Variants in BICC1 observed in about 807,000 individuals in gnomAD.
The protein encoded by BICC1 is BicC family RNA binding protein 1.
In BICC1, 43 loss-of-function variants were observed where a neutral mutation model predicts 111.0. The ratio of observed to expected loss-of-function variants is 0.39; its 90% CI spans 0.30 to 0.50. The LOEUF is 0.50. Among genes scored for constraint, BICC1 ranks in the 20% least tolerant of loss-of-function variants. The pLI, the probability that BICC1 is intolerant of heterozygous loss-of-function variation, is 0.88. For missense variants in BICC1, 1,091 were observed against 1,203.2 expected (o/e 0.91, Z 1.38); for synonymous variants, 467 against 434.4 (o/e 1.07, Z -0.93).
At chr10:58,780,575 A>C (rs537249042) in intron 3 of BICC1, among the ~76,000 whole-genome samples, 11 of 152,170 alleles carry the variant, frequency 7.2e-5, no homozygotes, top group Admixed American at 2.0e-4. Flanking sequence ...AATGGCTGAC[A>C]TGAGTATTTT....
chr10:58,754,474 A>G (rs568341096), intron 3 of BICC1, among the ~76,000 whole-genome samples: 1 of 152,362 alleles, frequency 6.6e-6, no homozygotes, highest in African/African-American at 2.4e-5. Context: ...TTGGTAGCAC[A>G]TTATTAAGAA....
intron 9 of BICC1, among the ~76,000 whole-genome samples, chr10:58,795,554 A>G (rs1481139178): frequency 6.6e-6 from 1 of 152,148 alleles, no homozygotes; most frequent in African/African-American, 2.4e-5. Context: ...TAGATTGTAA[A>G]TGAGAACTCC....
chr10:58,670,507 A>G lies in BICC1; in HGVS notation c.238-31567A>G, dbSNP rs1040269238. Among the ~76,000 whole-genome samples, 4 of 152,146 alleles carry G rather than the reference A, an allele frequency of 2.6e-5. No homozygotes were observed. In the East Asian group the frequency reaches 7.7e-4, roughly 29 times the overall value. On this transcript the variant is annotated intron_variant, in intron 2 of 20. Coordinates refer to ENST00000373886, the MANE Select transcript of BICC1 (RefSeq NM_001080512.3). The stretch of plus-strand genomic sequence containing the variant: ...CCTATGGCACTAGGGCAAAGTGAGT[A>G]AATGTGAAGAAGAGAATACTGGCAG...
intron 3 of BICC1, among the ~76,000 whole-genome samples, chr10:58,747,617 A>G (rs2132630525): frequency 6.6e-6 from 1 of 152,280 alleles, no homozygotes; most frequent in South Asian, 2.1e-4. Context: ...ATGGTGAGAC[A>G]TTTGAAATTT....
intron 1 of BICC1, among the ~76,000 whole-genome samples, chr10:58,606,806 T>G (rs1845229968): frequency 1.3e-5 from 2 of 152,282 alleles, no homozygotes; most frequent in South Asian, 4.1e-4. Context: ...ACCTTATGTT[T>G]TTTGGTTCTG....
intron 19 of BICC1, 40 bp from the exon 20 acceptor site, chr10:58,820,328 TA>T: frequency 7.6e-7 from 1 of 1,322,266 alleles, no homozygotes; most frequent in Non-Finnish European, 1.1e-6. Flanking sequence ...AGAAAATAAG[TA>T]ATTAATACAT....
chr10:58,567,403 G>A (rs1036557066), intron 1 of BICC1, among the ~76,000 whole-genome samples: 2 of 151,856 alleles, frequency 1.3e-5, no homozygotes, highest in African/African-American at 4.8e-5. Context: ...TCTTTTAGGG[G>A]AGATATATAT....
At chr10:58,563,361 A>T (rs1280635597) in intron 1 of BICC1, among the ~76,000 whole-genome samples, 2 of 152,132 alleles carry the variant, frequency 1.3e-5, no homozygotes, top group Non-Finnish European at 2.9e-5. Context: ...TACTCCGCTT[A>T]GTCCTCTGTG....
intron 1 of BICC1, among the ~76,000 whole-genome samples, chr10:58,563,585 A>C (rs1005370120): frequency 2.0e-5 from 3 of 152,122 alleles, no homozygotes; most frequent in Non-Finnish European, 4.4e-5. Flanking sequence ...TCTCTTAGAC[A>C]TTCTACTCAA....
chr10:58,759,962 GAAAAAGA>G (rs1408165913), intron 3 of BICC1, among the ~76,000 whole-genome samples: 44 of 36,908 alleles, frequency 1.2e-3, no homozygotes, highest in African/African-American at 3.2e-3. Flanking sequence ...CGTCTCAAAA[GAAAAAGA>G]AAAAAAAAAA....
intron 1 of BICC1, among the ~76,000 whole-genome samples, chr10:58,608,945 G>A (rs565164626): frequency 1.3e-4 from 20 of 152,326 alleles, no homozygotes; most frequent in African/African-American, 4.8e-4. Flanking sequence ...TCAACTTCCA[G>A]TTTTGGTGGA....
At chr10:58,687,745 C>G (rs1004368331) in intron 2 of BICC1, among the ~76,000 whole-genome samples, 4 of 152,110 alleles carry the variant, frequency 2.6e-5, no homozygotes, top group Admixed American at 6.5e-5. Context: ...TGGGAGTGTC[C>G]TGATTTTCCA....
chr10:58,802,976 G>A (rs1408952920), intron 14 of BICC1, 101 bp from the exon 15 acceptor site: 3 of 1,158,812 alleles, frequency 2.6e-6, no homozygotes, highest in Non-Finnish European at 3.5e-6. Context: ...CGTGTAAATA[G>A]CTGATGATGA....
At position 58,817,626 on chromosome 10, in the gene BICC1, C is replaced by A. The variant is rs948917482; in HGVS notation, c.2598C>A (p.Gly866=). 9.3e-6 allele frequency: 15 copies of A among 1,613,464 alleles called. No homozygotes were observed. Among genetic ancestry groups the A allele is most frequent in the Middle Eastern group, 1.6e-4 (1 of 6,074 alleles). Residue 866 remains glycine (G), a synonymous_variant, in exon 19 of 21, where the codon GGC becomes GGA. Coordinates refer to ENST00000373886, the MANE Select transcript of BICC1 (RefSeq NM_001080512.3). ...DCISSLTGSN[G]CNLNSSFKGS... ...TTTCCTCGCTGACAGGAAGCAATGGCTGTAACTTAAATAGCTCTTTCAAAG... is the reference window on the plus strand; with the variant it reads ...TTTCCTCGCTGACAGGAAGCAATGGATGTAACTTAAATAGCTCTTTCAAAG...
In BICC1 at chr10:58,803,070, T is replaced by C; in HGVS notation, c.2016-7T>C. 1.3e-6 allele frequency: 2 copies of C among 1,583,434 alleles called. No homozygotes were observed. The highest frequency in any genetic ancestry group is 1.4e-5 in the African/African-American group (1 of 74,042). ...GGAGTGTTAAATTCCACACTCTTAT[T>C]TCACAGCAGCACTGACAGGTTGCTC... On this transcript the variant is annotated splice_region_variant and splice_polypyrimidine_tract_variant and intron_variant, in intron 14 of 20. Coordinates refer to ENST00000373886, the MANE Select transcript of BICC1 (RefSeq NM_001080512.3).
At chr10:58,756,197 C>A (rs148377506) in intron 3 of BICC1, among the ~76,000 whole-genome samples, 3 of 151,826 alleles carry the variant, frequency 2.0e-5, no homozygotes, top group Non-Finnish European at 4.4e-5. Flanking sequence ...TACTCCCTTT[C>A]GTATCTTAGA....
chr10:58,640,488 C>G (rs1838090836), intron 2 of BICC1, among the ~76,000 whole-genome samples: 1 of 152,114 alleles, frequency 6.6e-6, no homozygotes, highest in African/African-American at 2.4e-5. Flanking sequence ...TATGGACTGC[C>G]CTTCTTCCCT....
intron 1 of BICC1, among the ~76,000 whole-genome samples, chr10:58,536,700 A>G (rs1842834243): frequency 6.6e-6 from 1 of 151,800 alleles, no homozygotes; most frequent in Non-Finnish European, 1.5e-5. Context: ...AAGAAAAATA[A>G]CAAAGATCAG....
intron 19 of BICC1, among the ~76,000 whole-genome samples, chr10:58,818,531 G>A (rs1317109115): frequency 6.6e-6 from 1 of 152,116 alleles, no homozygotes; most frequent in Admixed American, 6.6e-5. Context: ...GCACGTGTCA[G>A]TTAATAAAGA....
Sources: gnomAD v4.1 joint callset for allele counts (sites outside exome capture counted in the v4.1 genomes callset) on GRCh38, gnomAD v4.1.1 for gene constraint, MANE v1.5 for transcripts, NCBI Gene and HGNC (gene_info 2026-07-23, HGNC 2026-07-21) for gene names.